The following ZNF787 variants were observed in gnomAD, a reference collection of about 807,000 sequenced individuals.
The protein encoded by ZNF787 is zinc finger protein 787, also known as TTF-I-interacting peptide 20.
ZNF787 carries 7 observed loss-of-function variants against 16.9 expected under a neutral mutation model. The observed-to-expected ratio is 0.42, with a 90% CI of 0.24 to 0.78. ZNF787 has a LOEUF of 0.78. Among genes scored for constraint, ZNF787 ranks in the 30% least tolerant of loss-of-function variants. The pLI is 0.30. For missense variants in ZNF787, 551 were observed against 589.3 expected, an observed-to-expected ratio of 0.94 and a Z score of 0.67; for synonymous variants, 345 against 270.9, an observed-to-expected ratio of 1.27 and a Z score of -2.69.
rs1372624301 is a variant in ZNF787, at chr19:56,088,226, C to T, written c.946G>A (p.Ala316Thr). The change falls in exon 3 of 3, where the codon GCC becomes ACC. Residue 316 changes from alanine to threonine, a missense_variant. Coordinates refer to ENST00000610935, the MANE Select transcript of ZNF787 (RefSeq NM_001002836.4). The surrounding 1 kb of genome is among the most constrained non-coding windows in gnomAD (Gnocchi z 8.6). ...TCCCCGCACTCCACGCAGATGTGGG[C>T]CGGCTCCTCGCCCCCCGCCGCCCCG... ...GLGAAGGEEPAHICVECGEGF... is the reference protein window; with the variant it reads ...GLGAAGGEEPTHICVECGEGF... The T allele has an allele frequency of 2.0e-6, 3 of 1,502,958 alleles. No homozygotes were observed. Among genetic ancestry groups the T allele is most frequent in the Non-Finnish European group, 8.8e-7 (1 of 1,131,716 alleles). 93.1% of individuals were successfully genotyped at this position (1,502,958 alleles called of 1,614,324 possible).
At chr19:56,091,852 G>A (rs1300445075) in intron 2 of ZNF787, among the ~76,000 whole-genome samples, 1 of 152,148 alleles carries the variant, frequency 6.6e-6, no homozygotes, top group East Asian at 1.9e-4. Context: ...TCTGACAAGA[G>A]GCTGCGTCTG....
rs1420646796 is a variant in ZNF787, at chr19:56,088,518, C to T, written c.654G>A (p.Arg218=). 2.1e-6 allele frequency: 3 copies of T among 1,428,320 alleles called. No individual in the cohort carries two copies. Among genetic ancestry groups the T allele is most frequent in the Non-Finnish European group, 2.7e-6 (3 of 1,098,920 alleles). 88.5% of individuals were successfully genotyped at this position (1,428,320 alleles called of 1,614,324 possible). ...CCGCCTCTTCGGGCCCCTTGGCCCGCCGGACGCTAGCCGCCAGCACCTTGG... is the reference window on the plus strand; with the variant it reads ...CCGCCTCTTCGGGCCCCTTGGCCCGTCGGACGCTAGCCGCCAGCACCTTGG... The part of the protein sequence containing the change: ...VAAKVLAASV[R]RAKGPEEAVA... The change falls in exon 3 of 3, where the codon CGG becomes CGA. Residue 218 remains arginine (R), a synonymous_variant. Coordinates refer to ENST00000610935, the MANE Select transcript of ZNF787 (RefSeq NM_001002836.4). This position sits in a 1 kb window ranked among gnomAD's most constrained non-coding sequence, Gnocchi z 8.6.
intron 2 of ZNF787, among the ~76,000 whole-genome samples, chr19:56,101,391 G>A (rs769459944): frequency 1.3e-5 from 2 of 152,274 alleles, no homozygotes; most frequent in South Asian, 2.1e-4. Flanking sequence ...GCTGCCTGGT[G>A]GGGGACAGGA....
At chr19:56,098,486 GC>G (rs1200507894) in intron 2 of ZNF787, among the ~76,000 whole-genome samples, 1 of 150,856 alleles carries the variant, frequency 6.6e-6, no homozygotes, top group Non-Finnish European at 1.5e-5. Context: ...AGGTGATGCC[GC>G]CCGGGTGATT....
At chr19:56,098,840 C>T (rs975495225) in intron 2 of ZNF787, among the ~76,000 whole-genome samples, 6 of 145,532 alleles carry the variant, frequency 4.1e-5, no homozygotes, top group African/African-American at 7.9e-5. Flanking sequence ...CAGGGTGATA[C>T]GGCCGCAGGG....
chr19:56,107,679 G>C (rs970307183), intron 1 of ZNF787, among the ~76,000 whole-genome samples: 2 of 152,014 alleles, frequency 1.3e-5, no homozygotes, highest in African/African-American at 2.4e-5. Flanking sequence ...GGCAGAAAAG[G>C]GAGGGGGGTC....
At chr19:56,098,205 C>G (rs1345867611) in intron 2 of ZNF787, among the ~76,000 whole-genome samples, 1 of 152,236 alleles carries the variant, frequency 6.6e-6, no homozygotes, top group Non-Finnish European at 1.5e-5. Flanking sequence ...GGGGACACCT[C>G]TGAACAGGGG....
intron 2 of ZNF787, among the ~76,000 whole-genome samples, chr19:56,099,639 A>G (rs1187499953): frequency 1.4e-5 from 2 of 139,366 alleles, no homozygotes; most frequent in Non-Finnish European, 3.1e-5. Flanking sequence ...TGAACCTGGG[A>G]GGTGGAAGTT....
intron 2 of ZNF787, among the ~76,000 whole-genome samples, chr19:56,091,809 C>T (rs1433614327): frequency 6.6e-6 from 1 of 152,216 alleles, no homozygotes; most frequent in African/African-American, 2.4e-5. Context: ...CAGTAAGGCC[C>T]AGGAAACCGC....
intron 1 of ZNF787, among the ~76,000 whole-genome samples, chr19:56,110,964 G>A (rs968424794): frequency 8.5e-5 from 13 of 152,252 alleles, no homozygotes; most frequent in Admixed American, 2.0e-4. Context: ...GCAGCCTATA[G>A]AGGTGGAGGG....
intron 2 of ZNF787, chr19:56,101,762 G>A (rs1265494985): frequency 2.6e-5 from 4 of 152,354 alleles, no homozygotes; most frequent in Admixed American, 6.5e-5. Context: ...GCAGTGCCGC[G>A]AATCGCTGGC....
chr19:56,115,385 G>T (rs2030104040), intron 1 of ZNF787, among the ~76,000 whole-genome samples: 1 of 140,234 alleles, frequency 7.1e-6, no homozygotes, highest in Admixed American at 7.2e-5. Flanking sequence ...TTGAGACGGA[G>T]TCTTGCTCTG....
At position 56,089,050 on chromosome 19, in the gene ZNF787, G is replaced by A; in HGVS notation, c.122C>T (p.Pro41Leu). 1 of 1,466,026 alleles carries A rather than the reference G, an allele frequency of 6.8e-7. No homozygotes were observed. Among genetic ancestry groups the A allele is most frequent in the Non-Finnish European group, 9.0e-7 (1 of 1,111,384 alleles). The allele number at this position is 1,466,026 out of a possible 1,614,324, so 90.8% of individuals were successfully genotyped here. Residue 41 changes from proline to leucine, a missense_variant, in exon 3 of 3, where the codon CCT becomes CTT. This residue lies in a region of ZNF787 where 80 missense variants were observed against 105.9 expected (regional missense o/e 0.76). Coordinates refer to ENST00000610935, the MANE Select transcript of ZNF787 (RefSeq NM_001002836.4). ...CTGGGGCGGGGACAGCTTGGTGGGA[G>A]GCCAGCTGGGGACGTCGTCATCATC... Reference protein sequence around the residue: ...IMDDDDVPSWPPTKLSPPQSA... With the variant: ...IMDDDDVPSWLPTKLSPPQSA...
chr19:56,108,990 A>G (rs2029902763), intron 1 of ZNF787, among the ~76,000 whole-genome samples: 1 of 152,130 alleles, frequency 6.6e-6, no homozygotes, highest in African/African-American at 2.4e-5. Context: ...GGAAACCGGG[A>G]GGAACTCAAG....
At chr19:56,113,734 C>T (rs553398403) in intron 1 of ZNF787, among the ~76,000 whole-genome samples, 9 of 151,786 alleles carry the variant, frequency 5.9e-5, no homozygotes, top group African/African-American at 9.7e-5. Flanking sequence ...TGAAGATGCA[C>T]GGCGTTTCTT....
intron 2 of ZNF787, among the ~76,000 whole-genome samples, chr19:56,093,786 C>A (rs540339654): frequency 1.1e-4 from 17 of 152,208 alleles, no homozygotes; most frequent in Non-Finnish European, 2.4e-4. Context: ...AAGTCTTCCA[C>A]GCTTTCTGCC....
At chr19:56,120,346 A>G (rs932968830) in intron 1 of ZNF787, among the ~76,000 whole-genome samples, 4 of 147,400 alleles carry the variant, frequency 2.7e-5, no homozygotes, top group African/African-American at 9.8e-5. Flanking sequence ...GTGGGGTGTC[A>G]GGAGGGCGGG....
chr19:56,101,302 T>C (rs922905366), intron 2 of ZNF787, among the ~76,000 whole-genome samples: 6 of 152,254 alleles, frequency 3.9e-5, no homozygotes, highest in African/African-American at 1.4e-4. Flanking sequence ...GCGCAGCCCA[T>C]CTTTGACAGC....
intron 2 of ZNF787, among the ~76,000 whole-genome samples, chr19:56,092,542 A>T (rs1390070061): frequency 6.5e-5 from 6 of 91,734 alleles, no homozygotes; most frequent in African/African-American, 2.5e-4. Flanking sequence ...TTTTTTTTTT[A>T]AGATAAAATT....
Sources: gnomAD v4.1 joint callset for allele counts (sites outside exome capture counted in the v4.1 genomes callset) on GRCh38, gnomAD v4.1.1 for gene constraint, gnomAD v4.1.1 regional missense constraint, Gnocchi (gnomAD v3.1) non-coding constraint, MANE v1.5 for transcripts, NCBI Gene and HGNC (gene_info 2026-07-23, HGNC 2026-07-21) for gene names.